Variants in CORO2A observed in about 807,000 individuals in gnomAD.
CORO2A encodes coronin 2A, also known as coronin-2A.
A neutral mutation model predicts 62.4 loss-of-function variants in CORO2A; 47 were observed. That is an observed-to-expected ratio of 0.75 (90% CI 0.60 to 0.96). CORO2A has a LOEUF of 0.96. CORO2A is among the 40% of genes least tolerant of loss of function. The probability of loss-of-function intolerance (pLI) is 0.00; values close to 1 mark genes in which losing one functional copy is unlikely to be tolerated. For synonymous variants in CORO2A, 273 were observed against 268.9 expected (o/e 1.02, Z -0.15); for missense variants, 610 against 684.1 (o/e 0.89, Z 1.21).
intron 1 of CORO2A, among the ~76,000 whole-genome samples, chr9:98,177,322 C>T (rs1015796257): frequency 6.6e-6 from 1 of 152,116 alleles, no homozygotes; most frequent in African/African-American, 2.4e-5. Flanking sequence ...CCCATGGGGT[C>T]TCTCCCCTTG....
At chr9:98,145,625 C>A (rs180732824) in intron 2 of CORO2A, among the ~76,000 whole-genome samples, 2 of 152,188 alleles carry the variant, frequency 1.3e-5, no homozygotes, top group Non-Finnish European at 2.9e-5. Flanking sequence ...ACATTATCTG[C>A]AGGCAGCAAG....
At chr9:98,133,810 G>A (rs1827445048) in intron 4 of CORO2A, among the ~76,000 whole-genome samples, 1 of 152,198 alleles carries the variant, frequency 6.6e-6, no homozygotes, top group Non-Finnish European at 1.5e-5. Context: ...CTGCAGTACA[G>A]TGGCATGATC....
At chr9:98,181,307 C>A (rs1177549912) in intron 1 of CORO2A, among the ~76,000 whole-genome samples, 2 of 150,730 alleles carry the variant, frequency 1.3e-5, no homozygotes, top group Non-Finnish European at 2.9e-5. Context: ...GCCTCCTGTC[C>A]CACCTTCAAA....
chr9:98,159,316 G>T (rs1827851487), intron 1 of CORO2A, among the ~76,000 whole-genome samples: 1 of 152,082 alleles, frequency 6.6e-6, no homozygotes, highest in Non-Finnish European at 1.5e-5. Context: ...CTCAAAGGTT[G>T]GGATTAAAGG....
chr9:98,161,768 C>G (rs1588006775), intron 1 of CORO2A, among the ~76,000 whole-genome samples: 1 of 152,044 alleles, frequency 6.6e-6, no homozygotes. Flanking sequence ...AAATGTGGTG[C>G]CTGAGTGCAT....
intron 10 of CORO2A, chr9:98,127,056 C>T (rs1008994312): frequency 2.5e-5 from 15 of 589,036 alleles, no homozygotes; most frequent in East Asian, 1.7e-4. Context: ...AGGAACAGCA[C>T]GGTGCGTGCA....
intron 1 of CORO2A, among the ~76,000 whole-genome samples, chr9:98,189,328 G>T (rs12238262): frequency 0.19 from 28,936 of 152,134 alleles, 2,814 homozygotes; most frequent in African/African-American, 0.21. Context: ...GCAAGGCATG[G>T]ATTATAGACT....
chr9:98,170,249 G>C lies in CORO2A; in HGVS notation c.1-12589C>G, dbSNP rs1376887165. 2.0e-5 allele frequency among the ~76,000 whole-genome samples: 3 copies of C among 151,908 alleles called. No individual in the cohort carries two copies. The East Asian group carries it at 5.8e-4, about 29-fold the overall frequency. ...CCCATAGGACTGTCAACCTTAGATG[G>C]TTCTCCCCTTCTGCTGTGCCCACCT... On this transcript the variant is annotated intron_variant, in intron 1 of 11. Coordinates refer to ENST00000375077, the MANE Select transcript of CORO2A (RefSeq NM_052820.4).
At chr9:98,160,829 G>A (rs1827874913) in intron 1 of CORO2A, among the ~76,000 whole-genome samples, 1 of 151,090 alleles carries the variant, frequency 6.6e-6, no homozygotes, top group Non-Finnish European at 1.5e-5. Context: ...ACACATCACT[G>A]CCTCCTATGA....
intron 1 of CORO2A, among the ~76,000 whole-genome samples, chr9:98,179,354 G>T (rs1382114338): frequency 6.6e-6 from 1 of 152,180 alleles, no homozygotes; most frequent in African/African-American, 2.4e-5. Context: ...CTGGCGTGTT[G>T]GTGGGCAGCT....
chr9:98,190,506 G>C (rs950218690), intron 1 of CORO2A, among the ~76,000 whole-genome samples: 2 of 152,166 alleles, frequency 1.3e-5, no homozygotes, highest in South Asian at 2.1e-4. Flanking sequence ...CCCTGGGCTC[G>C]GTTGCTGGTT....
chr9:98,175,189 C>T (rs1828091898), intron 1 of CORO2A, among the ~76,000 whole-genome samples: 1 of 152,168 alleles, frequency 6.6e-6, no homozygotes, highest in Non-Finnish European at 1.5e-5. Flanking sequence ...TCCCCTTTCA[C>T]TCCTGGCTAT....
intron 11 of CORO2A, 113 bp from the exon 12 acceptor site, chr9:98,125,018 C>A: frequency 8.1e-7 from 1 of 1,227,082 alleles, no homozygotes; most frequent in Admixed American, 2.4e-5. Flanking sequence ...ATTAACATGG[C>A]TGAGGCCTGA....
chr9:98,157,253 C>T (rs1015966018), intron 2 of CORO2A: 8 of 543,004 alleles, frequency 1.5e-5, no homozygotes, highest in African/African-American at 1.3e-4. Context: ...CTACGAGTAG[C>T]TAAGCCAACT....
intron 6 of CORO2A, 66 bp downstream of exon 6, chr9:98,132,119 T>C (rs1287968220): frequency 2.6e-6 from 3 of 1,168,258 alleles, no homozygotes; most frequent in Non-Finnish European, 3.9e-6. Flanking sequence ...AATGAATGCA[T>C]GCATGAATGA....
At chr9:98,158,426 T>A (rs1028555431) in intron 1 of CORO2A, among the ~76,000 whole-genome samples, 1 of 152,206 alleles carries the variant, frequency 6.6e-6, no homozygotes, top group Non-Finnish European at 1.5e-5. Context: ...TAGTATCATC[T>A]GGGCATCTTC....
chr9:98,163,897 G>A (rs911843329), intron 1 of CORO2A, among the ~76,000 whole-genome samples: 1 of 152,138 alleles, frequency 6.6e-6, no homozygotes, highest in Non-Finnish European at 1.5e-5. Context: ...TGGGCGTGGT[G>A]CAAACCATTA....
Position 98,133,119 on chromosome 9 carries a change from G to A in CORO2A, c.567C>T (p.Asn189=), listed in dbSNP as rs200243300. 107 of 1,614,116 alleles carry A rather than the reference G, an allele frequency of 6.6e-5. No individual in the cohort carries two copies. Among genetic ancestry groups the A allele is most frequent in the Admixed American group, 2.0e-4 (12 of 60,012 alleles). ...HQDVILSMSF[N]TNGSLLATTC... ...TGGTGGCCAACAGGCTGCCGTTGGT[G>A]TTGAAGGACATGGAGAGGATCACAT... Residue 189 remains asparagine (N), a synonymous_variant, in exon 5 of 12, where the codon AAC becomes AAT. Coordinates refer to ENST00000375077, the MANE Select transcript of CORO2A (RefSeq NM_052820.4).
chr9:98,149,086 C>T lies in CORO2A; in HGVS notation c.201+8374G>A, dbSNP rs993596337. On this transcript the variant is annotated intron_variant, in intron 2 of 11. Transcript: ENST00000375077. ...AGTATCACAACAGTATGCTGTACTG[C>T]GTACTGTAGTCTTATAAGATGTTAC... 6.6e-5 allele frequency among the ~76,000 whole-genome samples: 10 copies of T among 152,050 alleles called. No individual in the cohort carries two copies. The South Asian group carries it at 1.7e-3, about 25-fold the overall frequency.
Sources: allele counts gnomAD v4.1 joint callset (sites outside exome capture counted in the v4.1 genomes callset), GRCh38; gene constraint gnomAD v4.1.1; transcripts MANE v1.5; gene names NCBI Gene and HGNC (gene_info 2026-07-23, HGNC 2026-07-21).